Variants in MCTP1 observed in about 807,000 individuals in gnomAD.
MCTP1 encodes multiple C2 and transmembrane domain-containing protein 1.
MCTP1 carries 69 observed loss-of-function variants against 120.6 expected under a neutral mutation model. The observed-to-expected ratio is 0.57, with a 90% CI of 0.47 to 0.70. The LOEUF is 0.70. Ranked by LOEUF, MCTP1 falls within the 30% of genes least tolerant of loss-of-function variation. The probability of loss-of-function intolerance (pLI) is 0.00; values close to 1 mark genes in which losing one functional copy is unlikely to be tolerated. For missense variants in MCTP1, 1,203 were observed against 1,248.8 expected, an observed-to-expected ratio of 0.96 and a Z score of 0.55; for synonymous variants, 529 against 493.1, an observed-to-expected ratio of 1.07 and a Z score of -0.96.
At chr5:94,953,908 T>TATATATACAA (rs1821450051) in intron 2 of MCTP1, among the ~76,000 whole-genome samples, 3 of 83,306 alleles carry the variant, frequency 3.6e-5, no homozygotes, top group African/African-American at 1.8e-4. Flanking sequence ...TATATATGCA[T>TATATATACAA]ATATATACAA....
At chr5:95,129,908 G>C (rs1040472161) in intron 1 of MCTP1, among the ~76,000 whole-genome samples, 5 of 152,080 alleles carry the variant, frequency 3.3e-5, no homozygotes, top group Non-Finnish European at 7.4e-5. Flanking sequence ...CGATCCACCT[G>C]CCTTGGCCTC....
chr5:95,170,639 G>T (rs188609840), intron 1 of MCTP1, among the ~76,000 whole-genome samples: 2,316 of 152,254 alleles, frequency 0.015, 20 homozygotes, highest in Non-Finnish European at 0.024. Context: ...TCTTCTTGTT[G>T]AATTGATCCC....
chr5:95,085,277 A>G (rs1172540287), intron 1 of MCTP1, among the ~76,000 whole-genome samples: 6 of 152,084 alleles, frequency 3.9e-5, no homozygotes, highest in Non-Finnish European at 8.8e-5. Context: ...CTTTTATAAT[A>G]CTTTTTATTA....
intron 19 of MCTP1, among the ~76,000 whole-genome samples, chr5:94,762,697 GA>G (rs1262523098): frequency 6.6e-6 from 1 of 152,190 alleles, no homozygotes; most frequent in African/African-American, 2.4e-5. Flanking sequence ...CTCTGGGAAG[GA>G]AAATTAATTA....
chr5:94,998,741 G>A (rs1190849891), intron 2 of MCTP1, among the ~76,000 whole-genome samples: 1 of 152,034 alleles, frequency 6.6e-6, no homozygotes, highest in Non-Finnish European at 1.5e-5. Context: ...TGACGTACAG[G>A]GCCAAATTCC....
chr5:95,116,347 A>T (rs1986656539), intron 1 of MCTP1, among the ~76,000 whole-genome samples: 1 of 152,186 alleles, frequency 6.6e-6, no homozygotes, highest in Admixed American at 6.5e-5. Flanking sequence ...CAACTTTTCA[A>T]GAGATAGACA....
In MCTP1 at chr5:94,848,783, C is replaced by T. The variant is rs372839462; in HGVS notation, c.2436+19550G>A. ...GCAATAAATAAAACACTTTATTTTA[C>T]AATTAAATAATTTATCTTAATATTT... On this transcript the variant is annotated intron_variant, in intron 17 of 22. Transcript: ENST00000515393. Among the ~76,000 whole-genome samples, 5 of 151,532 alleles carry T rather than the reference C, an allele frequency of 3.3e-5. No individual in the cohort carries two copies. The South Asian group carries it at 6.3e-4, about 19-fold the overall frequency.
chr5:94,754,314 T>C (rs1561578034), intron 19 of MCTP1, among the ~76,000 whole-genome samples: 2 of 152,180 alleles, frequency 1.3e-5, no homozygotes, highest in South Asian at 4.1e-4. Context: ...GTTAAGTACA[T>C]AATAAAAATG....
At chr5:95,138,564 T>A (rs1379363907) in intron 1 of MCTP1, among the ~76,000 whole-genome samples, 1 of 152,186 alleles carries the variant, frequency 6.6e-6, no homozygotes, top group Non-Finnish European at 1.5e-5. Flanking sequence ...AGAGGTTTCC[T>A]GGAATGAGTG....
At chr5:94,731,109 G>C (rs775361673) in intron 19 of MCTP1, among the ~76,000 whole-genome samples, 27 of 152,294 alleles carry the variant, frequency 1.8e-4, no homozygotes, top group Admixed American at 1.4e-3. Context: ...ATTCCAGGAA[G>C]ACAAAGAACA....
At chr5:94,799,307 C>T (rs561302741) in intron 17 of MCTP1, among the ~76,000 whole-genome samples, 175 bp from the exon 18 acceptor site, 12 of 152,172 alleles carry the variant, frequency 7.9e-5, no homozygotes, top group African/African-American at 2.2e-4. Flanking sequence ...ATAACTGACC[C>T]GTGAAAAGTC....
At position 94,822,999 on chromosome 5, in the gene MCTP1, G is replaced by T. The variant is rs552054954; in HGVS notation, c.2437-23867C>A. Among the ~76,000 whole-genome samples, 387 of 152,252 alleles carry T rather than the reference G, an allele frequency of 2.5e-3. 2 individuals carry two copies. Among genetic ancestry groups the T allele is most frequent in the Non-Finnish European group, 3.1e-3 (212 of 68,004 alleles). Reference sequence around the variant, plus strand: ...AAACTTTTCTCCCACTCTGTAGGTTGCCTGTTCACTCTGATGATAGATTCT... The same window carrying T: ...AAACTTTTCTCCCACTCTGTAGGTTTCCTGTTCACTCTGATGATAGATTCT... On this transcript the variant is annotated intron_variant, in intron 17 of 22. Coordinates refer to ENST00000515393, the MANE Select transcript of MCTP1 (RefSeq NM_024717.7).
At position 94,714,849 on chromosome 5, in the gene MCTP1, G is replaced by C. The variant is rs747391725; in HGVS notation, c.2648C>G (p.Ala883Gly). The change falls in exon 20 of 23, where the codon GCC becomes GGC. Residue 883 changes from alanine to glycine, a missense_variant. By Grantham distance (60) the Ala-to-Gly change is moderately conservative. This residue lies in a region of MCTP1 where 740 missense variants were observed against 871.1 expected (regional missense o/e 0.85). Coordinates refer to ENST00000515393, the MANE Select transcript of MCTP1 (RefSeq NM_024717.7). Reference protein sequence around the residue: ...EKKGFINKIYAIQEVCVSVQN... With the variant: ...EKKGFINKIYGIQEVCVSVQN... ...GACACTGACACATACCTCCTGGATGGCATAGATTTTATTTATAAATCCCTT... is the reference window on the plus strand; with the variant it reads ...GACACTGACACATACCTCCTGGATGCCATAGATTTTATTTATAAATCCCTT... 1 of 1,612,144 alleles carries C rather than the reference G, an allele frequency of 6.2e-7. No individual in the cohort carries two copies. Among genetic ancestry groups the C allele is most frequent in the Non-Finnish European group, 8.5e-7 (1 of 1,178,470 alleles).
intron 19 of MCTP1, among the ~76,000 whole-genome samples, chr5:94,738,236 T>G (rs1191486433): frequency 6.6e-6 from 1 of 152,210 alleles, no homozygotes; most frequent in Non-Finnish European, 1.5e-5. Flanking sequence ...TGAAATTCCT[T>G]TTCAATCCCC....
chr5:94,831,341 G>A (rs560203821), intron 17 of MCTP1, among the ~76,000 whole-genome samples: 16 of 152,286 alleles, frequency 1.1e-4, no homozygotes, highest in African/African-American at 2.9e-4. Flanking sequence ...TTATCCAATC[G>A]TCCATCACTA....
At chr5:95,273,105 G>T (rs1027020581) in intron 1 of MCTP1, among the ~76,000 whole-genome samples, 30 of 152,240 alleles carry the variant, frequency 2.0e-4, no homozygotes, top group Non-Finnish European at 3.5e-4. Flanking sequence ...CAACTGTTCT[G>T]TGGTGACCCA....
At chr5:95,107,042 A>T (rs952937008) in intron 1 of MCTP1, among the ~76,000 whole-genome samples, 1 of 152,230 alleles carries the variant, frequency 6.6e-6, no homozygotes, top group Non-Finnish European at 1.5e-5. Flanking sequence ...TACTGAAAAT[A>T]ACAATGTAGA....
At chr5:95,012,606 T>G (rs1836239885) in intron 2 of MCTP1, among the ~76,000 whole-genome samples, 1 of 152,144 alleles carries the variant, frequency 6.6e-6, no homozygotes, top group African/African-American at 2.4e-5. Context: ...ATTTCAAGCT[T>G]CTTCATTATT....
intron 1 of MCTP1, among the ~76,000 whole-genome samples, chr5:95,142,637 C>T (rs1437913350): frequency 2.0e-5 from 3 of 152,134 alleles, no homozygotes; most frequent in Non-Finnish European, 4.4e-5. Flanking sequence ...AATTAAACCT[C>T]TGTTGAATAA....
Sources: allele counts gnomAD v4.1 joint callset (sites outside exome capture counted in the v4.1 genomes callset), GRCh38; gene constraint gnomAD v4.1.1; regional missense constraint gnomAD v4.1.1; transcripts MANE v1.5; gene names NCBI Gene and HGNC (gene_info 2026-07-23, HGNC 2026-07-21).